CEP112: variants seen among roughly 807,000 people sequenced by gnomAD.
CEP112 encodes centrosomal protein 112.
Under a neutral mutation model 153.0 loss-of-function variants are expected in CEP112, and 127 were observed. That is an observed-to-expected ratio of 0.83 (90% CI 0.72 to 0.96). The LOEUF is 0.96. Among genes scored for constraint, CEP112 ranks in the 40% least tolerant of loss-of-function variants. The pLI, the probability that CEP112 is intolerant of heterozygous loss-of-function variation, is 0.00. For missense variants in CEP112, 1,089 were observed against 1,101.2 expected, an observed-to-expected ratio of 0.99 and a Z score of 0.16; for synonymous variants, 358 against 374.4, an observed-to-expected ratio of 0.96 and a Z score of 0.51.
intron 17 of CEP112, among the ~76,000 whole-genome samples, chr17:65,998,653 A>G (rs2063890304): frequency 6.6e-6 from 1 of 151,890 alleles, no homozygotes. Flanking sequence ...ATACACGTAT[A>G]TAATATAGTC....
chr17:66,112,675 G>A (rs892566190), intron 6 of CEP112, among the ~76,000 whole-genome samples: 1 of 152,186 alleles, frequency 6.6e-6, no homozygotes, highest in Non-Finnish European at 1.5e-5. Context: ...CAGGCATGGT[G>A]GCTCACGCCT....
At chr17:65,750,942 A>G in intron 21 of CEP112, 1 of 487,560 alleles carries the variant, frequency 2.1e-6, no homozygotes, top group Non-Finnish European at 3.6e-6. Flanking sequence ...TTAGACAAAC[A>G]TAAGACTTCT....
chr17:66,001,976 A>C (rs1055732486), intron 17 of CEP112, among the ~76,000 whole-genome samples: 33 of 152,326 alleles, frequency 2.2e-4, no homozygotes, highest in African/African-American at 7.2e-4. Context: ...ACGAAATAGG[A>C]AGCAAAAGTA....
At chr17:65,978,256 T>TAAAAGAAA (rs71160511) in intron 17 of CEP112, among the ~76,000 whole-genome samples, 150,691 of 151,300 alleles carry the variant, frequency 1, 75,043 homozygotes, top group Middle Eastern at 1. Flanking sequence ...ATCCTATCTC[T>TAAAAGAAA]AAAAGAAAAT....
rs75749604 is a variant in CEP112, at chr17:66,029,322, C to T, written c.1374-70G>A. On this transcript the variant is annotated intron_variant, in intron 13 of 26. Coordinates refer to ENST00000535342, the MANE Select transcript of CEP112 (RefSeq NM_001199165.4). ...AATCTCTAAAATGAAATTTTTTAAT[C>T]AGCTAAATCCAAATACATTTCCATT... The T allele has an allele frequency of 1.1e-3, 1,528 of 1,331,024 alleles. 16 individuals are homozygous for T. In the African/African-American group the frequency reaches 0.021, roughly 18 times the overall value. The allele number at this position is 1,331,024 out of a possible 1,614,324, so 82.5% of individuals were successfully genotyped here. A position where few individuals can be genotyped will look rare whatever the true frequency, so the allele number is the denominator to read the frequency against.
intron 24 of CEP112, among the ~76,000 whole-genome samples, chr17:65,674,198 A>G (rs2144107544): frequency 6.6e-6 from 1 of 152,366 alleles, no homozygotes; most frequent in South Asian, 2.1e-4. Flanking sequence ...AGATCAAATT[A>G]GAAAAACAAA....
chr17:66,018,889 C>T (rs1228005698), intron 16 of CEP112, among the ~76,000 whole-genome samples: 2 of 152,186 alleles, frequency 1.3e-5, no homozygotes. Flanking sequence ...CCATCTTTTA[C>T]TCTCTGGAAC....
At chr17:65,981,598 G>T (rs2063229285) in intron 17 of CEP112, among the ~76,000 whole-genome samples, 1 of 151,862 alleles carries the variant, frequency 6.6e-6, no homozygotes, top group Admixed American at 6.6e-5. Flanking sequence ...TTTTTGAAAT[G>T]GAGTCTTGTT....
rs60078960 is a variant in CEP112, at chr17:66,141,295, T to A, written c.471-8532A>T. Among the ~76,000 whole-genome samples, 215 of 152,102 alleles carry A rather than the reference T, an allele frequency of 1.4e-3. 3 individuals carry two copies. The highest frequency in any genetic ancestry group is 5.0e-3 in the African/African-American group (206 of 41,362). The stretch of plus-strand genomic sequence containing the variant: ...TCATGTTTTTCAATTGTAAGCACAT[T>A]TTTATGATCAGACTGTTCATCCCCT... On this transcript the variant is annotated intron_variant, in intron 4 of 26. Transcript: ENST00000535342.
intron 23 of CEP112, among the ~76,000 whole-genome samples, chr17:65,728,341 A>G (rs2050300887): frequency 6.6e-6 from 1 of 152,230 alleles, no homozygotes; most frequent in African/African-American, 2.4e-5. Flanking sequence ...GGATTACAAA[A>G]GGGACTTTAA....
chr17:66,004,256 C>A (rs558905162), intron 17 of CEP112, among the ~76,000 whole-genome samples: 1 of 151,824 alleles, frequency 6.6e-6, no homozygotes, highest in African/African-American at 2.4e-5. Flanking sequence ...CCGAGGCGGG[C>A]GGATCACGAG....
At chr17:65,670,898 G>GT (rs1242606947) in intron 24 of CEP112, among the ~76,000 whole-genome samples, 1 of 151,338 alleles carries the variant, frequency 6.6e-6, no homozygotes, top group African/African-American at 2.4e-5. Flanking sequence ...GTAGTGGGCG[G>GT]GGGGGGCGGG....
rs1366301338 is a variant in CEP112, at chr17:65,902,639, C to T, written c.1981-305G>A. Among the ~76,000 whole-genome samples the T allele has an allele frequency of 2.0e-5, 3 of 151,754 alleles. No homozygotes were observed. The East Asian group carries it at 5.8e-4, about 29-fold the overall frequency. On this transcript the variant is annotated intron_variant, in intron 19 of 26. Coordinates refer to ENST00000535342, the MANE Select transcript of CEP112 (RefSeq NM_001199165.4). ...CCCCAAGAATTCGGGTATTACTGAT[C>T]AGCAATGGTTATAAATGGTTAATAG...
intron 22 of CEP112, among the ~76,000 whole-genome samples, chr17:65,750,419 A>ATG (rs141721148): frequency 1.3e-5 from 2 of 151,230 alleles, no homozygotes; most frequent in African/African-American, 2.4e-5. Context: ...GAGTGTGTGT[A>ATG]TGTGTGTGTG....
At chr17:65,744,411 C>T (rs1394455688) in intron 22 of CEP112, among the ~76,000 whole-genome samples, 1 of 152,044 alleles carries the variant, frequency 6.6e-6, no homozygotes, top group African/African-American at 2.4e-5. Context: ...CCAGGCCTGG[C>T]TAATTTTTGT....
At chr17:65,754,614 AATAAAATAAAATAAG>A (rs1469379868) in intron 21 of CEP112, among the ~76,000 whole-genome samples, 2 of 152,114 alleles carry the variant, frequency 1.3e-5, no homozygotes, top group South Asian at 2.1e-4. Flanking sequence ...CAAAAAATAA[AATAAAATAAAATAAG>A]ATAAAATAAA....
intron 24 of CEP112, chr17:65,655,311 A>G: frequency 3.3e-6 from 5 of 1,532,278 alleles, no homozygotes; most frequent in Non-Finnish European, 4.5e-6. Context: ...CTCAGACACT[A>G]CAGCTGGATT....
At chr17:65,710,965 G>A (rs946016303) in intron 23 of CEP112, among the ~76,000 whole-genome samples, 1 of 152,204 alleles carries the variant, frequency 6.6e-6, no homozygotes, top group African/African-American at 2.4e-5. Flanking sequence ...AACACAAACA[G>A]GTTCATGTAA....
chr17:66,181,034 T>C (rs1445226438), intron 2 of CEP112, among the ~76,000 whole-genome samples: 1 of 152,134 alleles, frequency 6.6e-6, no homozygotes, highest in Non-Finnish European at 1.5e-5. Flanking sequence ...TAAACTTAAG[T>C]AAATAGTTTT....
Sources: allele counts gnomAD v4.1 joint callset (sites outside exome capture counted in the v4.1 genomes callset), GRCh38; gene constraint gnomAD v4.1.1; transcripts MANE v1.5; gene names NCBI Gene and HGNC (gene_info 2026-07-23, HGNC 2026-07-21).